The following SRGAP2B variants were observed in gnomAD, a reference collection of about 807,000 sequenced individuals.
The protein encoded by SRGAP2B is SLIT-ROBO Rho GTPase activating protein 2B.
A neutral mutation model predicts 22.2 loss-of-function variants in SRGAP2B; 9 were observed. The observed-to-expected ratio is 0.41, with a 90% confidence interval of 0.24 to 0.71. SRGAP2B has a LOEUF of 0.71. SRGAP2B is among the 30% of genes least tolerant of loss of function. The pLI is 0.35. For missense variants in SRGAP2B, 114 were observed against 235.8 expected (o/e 0.48, Z 3.38); for synonymous variants, 36 against 87.4 (o/e 0.41, Z 3.28).
intron 2 of SRGAP2B, among the ~76,000 whole-genome samples, chr1:145,031,763 C>T (rs6697688): frequency 7.0e-6 from 1 of 142,826 alleles, no homozygotes. Context: ...AGGAGAATGG[C>T]GTGAACCCGG....
chr1:144,940,675 C>A (rs1209484100), intron 4 of SRGAP2B, among the ~76,000 whole-genome samples: 2 of 147,724 alleles, frequency 1.4e-5, no homozygotes, highest in African/African-American at 2.6e-5. Flanking sequence ...TGGTAGCCCA[C>A]GCCTGTAATC....
intron 3 of SRGAP2B, among the ~76,000 whole-genome samples, chr1:144,975,191 GA>G: frequency 1.3e-5 from 2 of 149,364 alleles, no homozygotes; most frequent in Middle Eastern, 6.9e-3. Context: ...TTGGCAGTGA[GA>G]AATGTCAAGA....
At chr1:144,911,484 T>C (rs1663408706) in intron 5 of SRGAP2B, among the ~76,000 whole-genome samples, 1 of 149,180 alleles carries the variant, frequency 6.7e-6, no homozygotes, top group Non-Finnish European at 1.5e-5. Context: ...GCACTGACAA[T>C]TTCATGTCCC....
chr1:144,940,771 C>T (rs2486532), intron 4 of SRGAP2B, among the ~76,000 whole-genome samples: 1 of 144,570 alleles, frequency 6.9e-6, no homozygotes, highest in South Asian at 2.2e-4. Flanking sequence ...CCACTGTACT[C>T]CAGCCTGAAA....
intron 3 of SRGAP2B, among the ~76,000 whole-genome samples, 167 bp from the exon 4 acceptor site, chr1:144,955,768 TGGAGAAAAAA>T (rs1336069909): frequency 2.2e-5 from 3 of 137,306 alleles, no homozygotes; most frequent in Non-Finnish European, 4.6e-5. Context: ...AAAAACTCAG[TGGAGAAAAAA>T]GGAGAAAATA....
chr1:145,089,271 G>A (rs1553635946), intron 2 of SRGAP2B, among the ~76,000 whole-genome samples: 1 of 150,794 alleles, frequency 6.6e-6, no homozygotes. Context: ...CAGACATTGA[G>A]AGGCATGAAC....
chr1:145,007,206 A>C (rs1553621257), intron 2 of SRGAP2B, among the ~76,000 whole-genome samples: 1 of 150,308 alleles, frequency 6.7e-6, no homozygotes, highest in African/African-American at 2.5e-5. Context: ...TCACTCAGAC[A>C]GTAACAGATC....
At chr1:144,983,629 T>C in intron 3 of SRGAP2B, among the ~76,000 whole-genome samples, 1 of 98,306 alleles carries the variant, frequency 1.0e-5, no homozygotes, top group East Asian at 2.7e-4. Context: ...TATTCTTCTC[T>C]ATCTCCAGTA....
At chr1:145,036,551 T>G (rs1335292509) in intron 2 of SRGAP2B, among the ~76,000 whole-genome samples, 3 of 48,986 alleles carry the variant, frequency 6.1e-5, no homozygotes, top group Non-Finnish European at 1.2e-4. Flanking sequence ...ATGGTAGATA[T>G]CACTCTCTTT....
chr1:144,970,888 G>C (rs1258539150), intron 3 of SRGAP2B, among the ~76,000 whole-genome samples: 2 of 149,686 alleles, frequency 1.3e-5, no homozygotes, highest in Non-Finnish European at 3.0e-5. Context: ...AATCAAACAA[G>C]GTGATGCCCT....
At chr1:144,967,587 A>G (rs1184424835) in intron 3 of SRGAP2B, among the ~76,000 whole-genome samples, 1 of 146,334 alleles carries the variant, frequency 6.8e-6, no homozygotes, top group East Asian at 2.0e-4. Context: ...AAGAACTAGA[A>G]AAGCAAGAGC....
chr1:144,933,837 G>A (rs1553605974), intron 4 of SRGAP2B, among the ~76,000 whole-genome samples: 2 of 148,988 alleles, frequency 1.3e-5, no homozygotes, highest in East Asian at 3.9e-4. Flanking sequence ...TTGTATTAGG[G>A]CAAAGAGCAG....
chr1:145,056,857 T>C (rs1650445501), intron 2 of SRGAP2B, among the ~76,000 whole-genome samples: 1 of 82,530 alleles, frequency 1.2e-5, no homozygotes, highest in Non-Finnish European at 2.4e-5. Context: ...CAAATTCATA[T>C]GGATACCAAG....
At chr1:145,041,487 CAA>C (rs4058416) in intron 2 of SRGAP2B, among the ~76,000 whole-genome samples, 8 of 57,474 alleles carry the variant, frequency 1.4e-4, no homozygotes, top group South Asian at 5.9e-4. Context: ...GACCCCATCT[CAA>C]AAAAAAAAAA....
At chr1:144,993,917 T>C (rs1670456181) in intron 3 of SRGAP2B, among the ~76,000 whole-genome samples, 1 of 150,826 alleles carries the variant, frequency 6.6e-6, no homozygotes, top group South Asian at 2.1e-4. Flanking sequence ...AGGATGGCTT[T>C]GAATGCAACC....
intron 3 of SRGAP2B, chr1:144,964,972 T>C (rs2987939): frequency 7.0e-7 from 1 of 1,436,826 alleles, no homozygotes; most frequent in Non-Finnish European, 9.8e-7. Flanking sequence ...CCGCGCCGCC[T>C]GCACCAGAGA....
At chr1:145,081,363 T>C (rs1553634702) in intron 2 of SRGAP2B, among the ~76,000 whole-genome samples, 1 of 150,522 alleles carries the variant, frequency 6.6e-6, no homozygotes, top group Non-Finnish European at 1.5e-5. Flanking sequence ...AGAATTGTTG[T>C]TCCCATCTTA....
chr1:145,038,444 A>T (rs1339423361), intron 2 of SRGAP2B, among the ~76,000 whole-genome samples: 117 of 130,050 alleles, frequency 9.0e-4, no homozygotes, highest in African/African-American at 3.3e-3. Flanking sequence ...TTTCAAAAAA[A>T]TTTTTTTTCA....
At chr1:144,974,931 T>A (rs2102030778) in intron 3 of SRGAP2B, among the ~76,000 whole-genome samples, 1 of 149,996 alleles carries the variant, frequency 6.7e-6, no homozygotes, top group African/African-American at 2.5e-5. Context: ...AAAGAGGTGA[T>A]CAGGGAGAAT....
Sources: gnomAD v4.1 joint callset for allele counts (sites outside exome capture counted in the v4.1 genomes callset) on GRCh38, gnomAD v4.1.1 for gene constraint, MANE v1.5 for transcripts, NCBI Gene and HGNC (gene_info 2026-07-23, HGNC 2026-07-21) for gene names.